TMEM178B: variants seen among roughly 807,000 people sequenced by gnomAD.
The protein encoded by TMEM178B is transmembrane protein 178B.
A neutral mutation model predicts 31.0 loss-of-function variants in TMEM178B; 5 were observed. The observed-to-expected ratio is 0.16, with a 90% confidence interval of 0.08 to 0.34. TMEM178B has a LOEUF of 0.34. TMEM178B is among the 10% of genes least tolerant of loss of function. TMEM178B has a pLI of 1.00. For synonymous variants in TMEM178B, 164 were observed against 164.0 expected, an observed-to-expected ratio of 1.00 and a Z score of 0.00; for missense variants, 275 against 400.3, an observed-to-expected ratio of 0.69 and a Z score of 2.67.
chr7:141,448,460 C>A (rs1405111276), intron 3 of TMEM178B, among the ~76,000 whole-genome samples: 2 of 152,176 alleles, frequency 1.3e-5, no homozygotes, highest in Admixed American at 1.3e-4. Flanking sequence ...TCTTGGGGCA[C>A]ATGCTGTCAG....
chr7:141,465,606 G>A (rs769645244), intron 3 of TMEM178B, among the ~76,000 whole-genome samples: 5 of 152,172 alleles, frequency 3.3e-5, no homozygotes, highest in South Asian at 2.1e-4. Flanking sequence ...GAATGGCACC[G>A]CGTTATTCAT....
chr7:141,267,812 A>G (rs1457993478), intron 2 of TMEM178B, among the ~76,000 whole-genome samples: 1 of 152,084 alleles, frequency 6.6e-6, no homozygotes, highest in Non-Finnish European at 1.5e-5. Context: ...CTGATTCTCT[A>G]CTCCTCATCA....
chr7:141,391,459 C>T (rs1175001472), intron 2 of TMEM178B, among the ~76,000 whole-genome samples: 1 of 152,200 alleles, frequency 6.6e-6, no homozygotes, highest in Admixed American at 6.5e-5. Flanking sequence ...CACATCCGGC[C>T]TCTTTCAACT....
chr7:141,083,903 C>CA (rs1447471882), intron 1 of TMEM178B, among the ~76,000 whole-genome samples: 1 of 149,168 alleles, frequency 6.7e-6, no homozygotes, highest in Non-Finnish European at 1.5e-5. Flanking sequence ...TTTTTTGAGA[C>CA]AGAGTCTCGC....
At chr7:141,157,445 A>G (rs560838625) in intron 1 of TMEM178B, among the ~76,000 whole-genome samples, 1 of 152,074 alleles carries the variant, frequency 6.6e-6, no homozygotes, top group African/African-American at 2.4e-5. Flanking sequence ...ACACACACGC[A>G]CACACACACG....
chr7:141,306,347 G>C (rs1273358833), intron 2 of TMEM178B, among the ~76,000 whole-genome samples: 2 of 152,154 alleles, frequency 1.3e-5, no homozygotes, highest in Admixed American at 6.5e-5. Context: ...TGCTGAAGGG[G>C]AAGGAGAGGA....
chr7:141,273,008 G>A (rs1402714803), intron 2 of TMEM178B, among the ~76,000 whole-genome samples: 1 of 152,172 alleles, frequency 6.6e-6, no homozygotes, highest in African/African-American at 2.4e-5. Flanking sequence ...TGTAACATAT[G>A]CGCACATATA....
At position 141,478,137 on chromosome 7, in the gene TMEM178B, T is replaced by TGGAGGCA. The variant is rs1802408090; in HGVS notation, c.*7353_*7359dup. 6.5e-6 allele frequency: 1 copy of TGGAGGCA among 153,006 alleles called. No individual in the cohort carries two copies. Among genetic ancestry groups the TGGAGGCA allele is most frequent in the Non-Finnish European group, 1.5e-5 (1 of 68,452 alleles). 9.5% of individuals were successfully genotyped at this position (153,006 alleles called of 1,614,324 possible). Reference sequence around the variant, plus strand: ...GAAGATGGTGGAGGCAGTGGTGGCGTGGAGGCAGTAGGCAGAAGATGTGGG... The same window carrying TGGAGGCA: ...GAAGATGGTGGAGGCAGTGGTGGCGTGGAGGCAGGAGGCAGTAGGCAGAAGATGTGGG... On this transcript the variant is annotated 3_prime_UTR_variant, in exon 4 of 4. Transcript: ENST00000565468.
chr7:141,257,236 GA>G (rs1315261589), intron 2 of TMEM178B, among the ~76,000 whole-genome samples: 1 of 152,226 alleles, frequency 6.6e-6, no homozygotes, highest in Non-Finnish European at 1.5e-5. Flanking sequence ...TGGATGAGGT[GA>G]AAATTCAGAA....
chr7:141,124,533 C>T (rs1586783013), intron 1 of TMEM178B, among the ~76,000 whole-genome samples: 1 of 152,178 alleles, frequency 6.6e-6, no homozygotes, highest in Non-Finnish European at 1.5e-5. Context: ...CGACTGTAAG[C>T]TCTCTGAGGG....
intron 2 of TMEM178B, among the ~76,000 whole-genome samples, chr7:141,412,675 C>A (rs545409798): frequency 6.6e-6 from 1 of 152,220 alleles, no homozygotes; most frequent in Non-Finnish European, 1.5e-5. Context: ...TTGCCAGCGA[C>A]GTGCAGTGCT....
intron 2 of TMEM178B, among the ~76,000 whole-genome samples, chr7:141,391,686 C>T (rs1800545021): frequency 6.6e-6 from 1 of 152,102 alleles, no homozygotes; most frequent in Non-Finnish European, 1.5e-5. Context: ...ATGAATTCCC[C>T]CATTCTCCCC....
chr7:141,498,691 CAGA>C, the TMEM178B span, among the ~76,000 whole-genome samples: 4 of 152,186 alleles, frequency 2.6e-5, no homozygotes, highest in Admixed American at 2.0e-4. Flanking sequence ...GGACAAAAAT[CAGA>C]AGAAGAGTAG....
chr7:141,111,726 G>C (rs765508700), intron 1 of TMEM178B, among the ~76,000 whole-genome samples: 3 of 152,176 alleles, frequency 2.0e-5, no homozygotes, highest in Non-Finnish European at 4.4e-5. Context: ...AGGAGGAATG[G>C]TCAGAACTGA....
intron 1 of TMEM178B, among the ~76,000 whole-genome samples, chr7:141,189,268 C>T (rs1445160229): frequency 6.6e-6 from 1 of 152,262 alleles, no homozygotes; most frequent in Non-Finnish European, 1.5e-5. Context: ...CCACGTGAAG[C>T]ATTGAGTGAA....
At chr7:141,418,183 C>T (rs1801135390) in intron 2 of TMEM178B, among the ~76,000 whole-genome samples, 1 of 152,160 alleles carries the variant, frequency 6.6e-6, no homozygotes, top group Non-Finnish European at 1.5e-5. Context: ...GAGAAGTCCT[C>T]CCTGACTCTG....
chr7:141,502,064 C>T, the TMEM178B span, among the ~76,000 whole-genome samples: 3 of 152,096 alleles, frequency 2.0e-5, no homozygotes, highest in Non-Finnish European at 2.9e-5. Context: ...GCTCTTGATC[C>T]GAACCCTTCC....
Position 141,409,192 on chromosome 7 carries a change from A to G in TMEM178B, c.497-28416A>G, listed in dbSNP as rs115486763. ...CTGTCAGCTGGAATTAGGCCACCCC[A>G]TGTCACTATCATGTGAGAGGACAAA... is the stretch of plus-strand genomic sequence containing the variant. On this transcript the variant is annotated intron_variant, in intron 2 of 3. Transcript: ENST00000565468. Among the ~76,000 whole-genome samples, 256 of 152,298 alleles carry G rather than the reference A, an allele frequency of 1.7e-3. 1 individual carries two copies. Among genetic ancestry groups the G allele is most frequent in the African/African-American group, 5.9e-3 (244 of 41,570 alleles).
intron 3 of TMEM178B, among the ~76,000 whole-genome samples, chr7:141,463,428 G>A (rs1046432284): frequency 6.6e-6 from 1 of 152,206 alleles, no homozygotes; most frequent in Non-Finnish European, 1.5e-5. Context: ...CAAAGCCGGT[G>A]ATTTTCAAAA....
Sources: allele counts gnomAD v4.1 joint callset (sites outside exome capture counted in the v4.1 genomes callset), GRCh38; gene constraint gnomAD v4.1.1; transcripts MANE v1.5; gene names NCBI Gene and HGNC (gene_info 2026-07-23, HGNC 2026-07-21).